HDAC9: variants seen among roughly 807,000 people sequenced by gnomAD.
The protein encoded by HDAC9 is histone deacetylase 9, also known as MEF-2 interacting transcription repressor (MITR) protein.
HDAC9 carries 41 observed loss-of-function variants against 139.4 expected under a neutral mutation model. That is an observed-to-expected ratio of 0.29 (90% CI 0.23 to 0.38). The LOEUF (loss-of-function observed/expected upper bound fraction) is 0.38. HDAC9 is among the 10% of genes least tolerant of loss of function. The pLI, the probability that HDAC9 is intolerant of heterozygous loss-of-function variation, is 1.00. For missense variants in HDAC9, 1,147 were observed against 1,297.0 expected (o/e 0.88, Z 1.78); for synonymous variants, 517 against 476.2 (o/e 1.09, Z -1.12).
intron 2 of HDAC9, among the ~76,000 whole-genome samples, chr7:18,271,479 G>T (rs959288032): frequency 2.0e-4 from 31 of 152,152 alleles, no homozygotes; most frequent in African/African-American, 6.3e-4. Context: ...TATTCAGCCT[G>T]CCATATGTTT....
chr7:18,659,404 A>C (rs957088819), intron 11 of HDAC9, among the ~76,000 whole-genome samples: 1 of 152,144 alleles, frequency 6.6e-6, no homozygotes, highest in African/African-American at 2.4e-5. Flanking sequence ...GAAATTAAGG[A>C]GTTTGCTATA....
chr7:18,655,361 A>G (rs1790764553), intron 11 of HDAC9, among the ~76,000 whole-genome samples: 1 of 152,254 alleles, frequency 6.6e-6, no homozygotes, highest in African/African-American at 2.4e-5. Flanking sequence ...AAAGCCTCCT[A>G]GATTATTTAT....
intron 2 of HDAC9, 26 bp downstream of exon 2, chr7:18,496,350 C>G: frequency 6.2e-7 from 1 of 1,602,556 alleles, no homozygotes; most frequent in Non-Finnish European, 8.5e-7. Flanking sequence ...ATAACTGAGA[C>G]GTTTTAGGTT....
chr7:18,612,300 C>T (rs3807901), intron 6 of HDAC9, among the ~76,000 whole-genome samples: 4,503 of 152,092 alleles, frequency 0.03, 169 homozygotes, highest in African/African-American at 0.084. Context: ...TTTAAAGACA[C>T]ATCAATTGTG....
At position 18,648,675 on chromosome 7, in the gene HDAC9, A is replaced by G. The variant is rs921220713; in HGVS notation, c.1459A>G (p.Met487Val). The G allele has an allele frequency of 1.9e-6, 3 of 1,611,196 alleles. No individual in the cohort carries two copies. Among genetic ancestry groups the G allele is most frequent in the South Asian group, 2.2e-5 (2 of 90,866 alleles). Residue 487 changes from methionine to valine, a missense_variant, in exon 11 of 26, where the codon ATG (methionine) becomes GTG (valine). This residue lies in a region of HDAC9 where 256 missense variants were observed against 219.2 expected (regional missense o/e 1.17). Coordinates refer to ENST00000686413, the MANE Select transcript of HDAC9 (RefSeq NM_178425.4). The stretch of plus-strand genomic sequence containing the variant: ...GAAGCAATACCAGCAGCAGATCCAC[A>G]TGAACAAAGTAAGCCTCCAAGCCAA... ...KQKQYQQQIH[M>V]NKLLSKSIEQ... is the part of the protein sequence containing the mutation.
chr7:18,990,968 C>T (rs552181681), intron 25 of HDAC9, among the ~76,000 whole-genome samples: 25 of 152,354 alleles, frequency 1.6e-4, no homozygotes, highest in Middle Eastern at 3.4e-3. Flanking sequence ...GAGATGAACC[C>T]GGTACCTCAG....
intron 1 of HDAC9, among the ~76,000 whole-genome samples, chr7:18,143,572 G>T (rs953599294): frequency 6.6e-6 from 1 of 152,108 alleles, no homozygotes; most frequent in South Asian, 2.1e-4. Flanking sequence ...CAGATCACAA[G>T]GTCAGAAGTT....
chr7:18,786,840 C>CTTCCTTCA (rs1554355336), intron 16 of HDAC9, among the ~76,000 whole-genome samples: 51 of 38,968 alleles, frequency 1.3e-3, no homozygotes, highest in South Asian at 2.2e-3. Context: ...TCCTTCATTC[C>CTTCCTTCA]TTCCTTCCTT....
At chr7:18,747,158 T>C (rs1259931926) in intron 13 of HDAC9, among the ~76,000 whole-genome samples, 2 of 152,066 alleles carry the variant, frequency 1.3e-5, no homozygotes, top group African/African-American at 2.4e-5. Flanking sequence ...GAGGGAGATA[T>C]ATGAATTGAA....
At chr7:18,375,023 A>T (rs994901228) in intron 1 of HDAC9, among the ~76,000 whole-genome samples, 1 of 152,206 alleles carries the variant, frequency 6.6e-6, no homozygotes, top group Admixed American at 6.5e-5. Flanking sequence ...GATAATAATT[A>T]TGTTACTGGT....
chr7:18,505,648 G>A (rs1000055806), intron 2 of HDAC9, among the ~76,000 whole-genome samples: 13 of 152,064 alleles, frequency 8.5e-5, no homozygotes, highest in Middle Eastern at 3.2e-3. Context: ...TGGCTTAAGC[G>A]TAAAATTCAC....
chr7:18,311,817 G>T (rs1799337532), intron 1 of HDAC9, among the ~76,000 whole-genome samples: 1 of 152,204 alleles, frequency 6.6e-6, no homozygotes, highest in Admixed American at 6.5e-5. Flanking sequence ...ACTGGCTGTA[G>T]ACTGGCGTTA....
chr7:18,408,879 A>G (rs1788265876), intron 1 of HDAC9, among the ~76,000 whole-genome samples: 1 of 152,216 alleles, frequency 6.6e-6, no homozygotes, highest in African/African-American at 2.4e-5. Context: ...GATCTACAGC[A>G]CAACATTAGA....
At chr7:18,781,588 C>T (rs1224965576) in intron 16 of HDAC9, among the ~76,000 whole-genome samples, 1 of 151,976 alleles carries the variant, frequency 6.6e-6, no homozygotes, top group African/African-American at 2.4e-5. Context: ...GACTTTATTA[C>T]CTTTTCTTGT....
rs74818563 is a variant in HDAC9 at position 18,827,702 on chromosome 7, C to T, written c.2323-1459C>T. ...TTTAATTGAATCACAAAAGTTTTAG[C>T]GTGGTTGATCTAATCATAAAAGTTC... On this transcript the variant is annotated intron_variant, in intron 17 of 25. Transcript: ENST00000686413. 2.3e-3 allele frequency among the ~76,000 whole-genome samples: 352 copies of T among 152,148 alleles called. 17 individuals are homozygous for T. In the East Asian group the frequency reaches 0.061, roughly 27 times the overall value.
chr7:18,462,138 G>A (rs967140598), intron 1 of HDAC9, among the ~76,000 whole-genome samples: 1 of 151,804 alleles, frequency 6.6e-6, no homozygotes, highest in African/African-American at 2.4e-5. Flanking sequence ...TGGAAATTAT[G>A]ACTATCATAT....
At chr7:18,146,273 A>C (rs930156573) in intron 1 of HDAC9, among the ~76,000 whole-genome samples, 2 of 152,168 alleles carry the variant, frequency 1.3e-5, no homozygotes, top group African/African-American at 4.8e-5. Context: ...CTAATAGTCC[A>C]TTAGTACGTT....
intron 1 of HDAC9, among the ~76,000 whole-genome samples, chr7:18,459,467 G>C (rs963945403): frequency 6.6e-6 from 1 of 151,278 alleles, no homozygotes; most frequent in African/African-American, 2.4e-5. Flanking sequence ...TATTTTTCTA[G>C]TTTTTTTTTA....
chr7:18,402,250 G>C (rs1787614627), intron 1 of HDAC9, among the ~76,000 whole-genome samples: 1 of 152,072 alleles, frequency 6.6e-6, no homozygotes, highest in Non-Finnish European at 1.5e-5. Context: ...AATATAATAG[G>C]CATAAAAATA....
Sources: allele counts gnomAD v4.1 joint callset (sites outside exome capture counted in the v4.1 genomes callset), GRCh38; gene constraint gnomAD v4.1.1; regional missense constraint gnomAD v4.1.1; transcripts MANE v1.5; gene names NCBI Gene and HGNC (gene_info 2026-07-23, HGNC 2026-07-21).